Variants in SPTBN4 observed in about 807,000 individuals in gnomAD.
SPTBN4 encodes spectrin beta, non-erythrocytic 4.
In SPTBN4, 96 loss-of-function variants were observed where a neutral mutation model predicts 277.8. That is an observed-to-expected ratio of 0.35 (90% CI 0.29 to 0.41). The LOEUF is 0.41. SPTBN4 is among the 10% of genes least tolerant of loss of function. SPTBN4 has a pLI of 1.00. For synonymous variants in SPTBN4, 1,481 were observed against 1,580.3 expected (o/e 0.94, Z 1.49); for missense variants, 3,006 against 3,595.7 (o/e 0.84, Z 4.19).
At chr19:40,509,573 C>T (rs2080368322) in intron 13 of SPTBN4, among the ~76,000 whole-genome samples, 1 of 152,130 alleles carries the variant, frequency 6.6e-6, no homozygotes, top group Admixed American at 6.6e-5. Flanking sequence ...CCTCAGAACA[C>T]GATGGCTAGC....
chr19:40,477,246 G>A (rs1476146517), intron 2 of SPTBN4, among the ~76,000 whole-genome samples: 2 of 151,554 alleles, frequency 1.3e-5, no homozygotes, highest in African/African-American at 4.8e-5. Flanking sequence ...ACAGGGTCTC[G>A]CAATATTTTC....
intron 1 of SPTBN4, among the ~76,000 whole-genome samples, chr19:40,471,675 C>T (rs1027400605): frequency 6.6e-6 from 1 of 152,104 alleles, no homozygotes; most frequent in African/African-American, 2.4e-5. Flanking sequence ...TGGGCTCAAG[C>T]CATCTTCCTG....
chr19:40,489,966 T>C, intron 3 of SPTBN4, 109 bp from the exon 4 acceptor site: 1 of 1,180,038 alleles, frequency 8.5e-7, no homozygotes, highest in Non-Finnish European at 1.2e-6. Context: ...TCCTGGACAC[T>C]CAGGGGGCGT....
In SPTBN4 at chr19:40,519,661, AGGC is replaced by A; in HGVS notation, c.3169_3171del (p.Ala1057del). 1 of 1,394,450 alleles carries A rather than the reference AGGC, an allele frequency of 7.2e-7. No homozygotes were observed. The allele number at this position is 1,394,450 out of a possible 1,614,324, so 86.4% of individuals were successfully genotyped here. A position where few individuals can be genotyped will look rare whatever the true frequency, so the allele number is the denominator to read the frequency against. ...CTGCTGGCTGAGCGCTTCCCGGCGC[AGGC>A]GGCGCGGCTGCACCAGGGCGCGGAG... On this transcript the variant is annotated inframe_deletion, in exon 16 of 36. Coordinates refer to ENST00000598249, the MANE Select transcript of SPTBN4 (RefSeq NM_020971.3). The surrounding 1 kb of genome is among the most constrained non-coding windows in gnomAD (Gnocchi z 5.7).
intron 22 of SPTBN4, among the ~76,000 whole-genome samples, chr19:40,553,847 C>T (rs1431928463): frequency 6.6e-6 from 1 of 152,172 alleles, no homozygotes; most frequent in Non-Finnish European, 1.5e-5. Flanking sequence ...CGGCTTGGCT[C>T]AGAGCACAGT....
In SPTBN4 at chr19:40,513,881, G is replaced by A. The variant is rs759193037; in HGVS notation, c.2765+327G>A. Among the ~76,000 whole-genome samples, 17 of 152,242 alleles carry A rather than the reference G, an allele frequency of 1.1e-4. No individual in the cohort carries two copies. The East Asian group carries it at 2.5e-3, about 22-fold the overall frequency. On this transcript the variant is annotated intron_variant, in intron 14 of 35. Transcript: ENST00000598249. The stretch of plus-strand genomic sequence containing the variant: ...GCTCTTGTTACCCAGGCTTACATTC[G>A]CCAAGCATGAAATCAACGACCTATG...
At chr19:40,573,919 G>A (rs1446725793) in intron 35 of SPTBN4, among the ~76,000 whole-genome samples, 2 of 151,934 alleles carry the variant, frequency 1.3e-5, no homozygotes, top group Non-Finnish European at 2.9e-5. Context: ...GGCTGACACG[G>A]TGAAACCCCG....
Position 40,519,921 on chromosome 19 carries a change from C to A in SPTBN4, c.3424C>A (p.Arg1142Ser). The change falls in exon 16 of 36, where the codon CGC (arginine) becomes AGC (serine). Residue 1142 changes from arginine to serine, a missense_variant. Coordinates refer to ENST00000598249, the MANE Select transcript of SPTBN4 (RefSeq NM_020971.3). This position sits in a 1 kb window ranked among gnomAD's most constrained non-coding sequence, Gnocchi z 5.7. ...TGCGCTCAAGGAGGAGGTGGACCAGCGCGAGGAAGACTATGCTCGCATCGT... is the reference window on the plus strand; with the variant it reads ...TGCGCTCAAGGAGGAGGTGGACCAGAGCGAGGAAGACTATGCTCGCATCGT... ...HAALKEEVDQ[R>S]EEDYARIVAA... 1 of 1,560,764 alleles carries A rather than the reference C, an allele frequency of 6.4e-7. No individual in the cohort carries two copies. Among genetic ancestry groups the A allele is most frequent in the Non-Finnish European group, 8.6e-7 (1 of 1,160,212 alleles).
intron 26 of SPTBN4, 87 bp downstream of exon 26, chr19:40,557,490 G>A (rs2080995109): frequency 1.4e-6 from 2 of 1,458,236 alleles, no homozygotes; most frequent in Non-Finnish European, 1.8e-6. Flanking sequence ...TGTGGAGCAG[G>A]TCGAAATTAG....
intron 6 of SPTBN4, among the ~76,000 whole-genome samples, chr19:40,496,692 CTGA>C (rs2080201034): frequency 6.6e-6 from 1 of 152,170 alleles, no homozygotes; most frequent in Non-Finnish European, 1.5e-5. Context: ...GGCTCAAGCT[CTGA>C]TGAACTGGCT....
chr19:40,550,747 G>A (rs2080909646), intron 22 of SPTBN4, among the ~76,000 whole-genome samples: 1 of 152,042 alleles, frequency 6.6e-6, no homozygotes, highest in African/African-American at 2.4e-5. Flanking sequence ...TCGAACTCCT[G>A]GCCTCAAGTG....
chr19:40,575,589 G>T lies in SPTBN4; in HGVS notation c.*20G>T. On this transcript the variant is annotated 3_prime_UTR_variant, in exon 36 of 36. Coordinates refer to ENST00000598249, the MANE Select transcript of SPTBN4 (RefSeq NM_020971.3). ...AAGTGACTTCCCACCCCCAGGACCT[G>T]ACACATCTCGTCTCCCCTCTTTTCC... 1.3e-6 allele frequency: 2 copies of T among 1,599,258 alleles called. No individual in the cohort carries two copies. Among genetic ancestry groups the T allele is most frequent in the South Asian group, 2.2e-5 (2 of 89,790 alleles).
intron 16 of SPTBN4, among the ~76,000 whole-genome samples, chr19:40,522,082 A>G (rs773458761): frequency 2.6e-5 from 4 of 152,222 alleles, no homozygotes; most frequent in Non-Finnish European, 5.9e-5. Context: ...GCCAGAGTAC[A>G]GTGGCACGAT....
intron 6 of SPTBN4, among the ~76,000 whole-genome samples, chr19:40,497,086 A>AAAAAAAAAAAAAT (rs2080206916): frequency 6.7e-6 from 1 of 149,852 alleles, no homozygotes. Context: ...AAAAAAAAAA[A>AAAAAAAAAAAAAT]AAAAAAAAAG....
Position 40,497,397 on chromosome 19 carries a change from T to G in SPTBN4, c.669-92T>G. The stretch of plus-strand genomic sequence containing the variant: ...GACTGTGCCCTTCTGCCCATTGCCC[T>G]GGGCAGTGCTCAGACAAGGGTGGCT... On this transcript the variant is annotated intron_variant, in intron 6 of 35. Coordinates refer to ENST00000598249, the MANE Select transcript of SPTBN4 (RefSeq NM_020971.3). The G allele has an allele frequency of 4.4e-6, 4 of 905,002 alleles. No homozygotes were observed. In the South Asian group the frequency reaches 5.5e-5, roughly 12 times the overall value. The allele number at this position is 905,002 out of a possible 1,614,324, so 56.1% of individuals were successfully genotyped here.
intron 17 of SPTBN4, among the ~76,000 whole-genome samples, chr19:40,528,673 G>A (rs917751288): frequency 5.3e-5 from 8 of 151,240 alleles, no homozygotes; most frequent in African/African-American, 1.7e-4. Flanking sequence ...TCTCTCTCTC[G>A]CTCTCTTTCT....
intron 32 of SPTBN4, among the ~76,000 whole-genome samples, chr19:40,569,993 C>CACACACACAG (rs2081137510): frequency 2.7e-5 from 4 of 150,434 alleles, no homozygotes; most frequent in African/African-American, 9.9e-5. Flanking sequence ...CACACAGACA[C>CACACACACAG]ACACACACAG....
chr19:40,544,286 G>T (rs2080833617), intron 20 of SPTBN4, among the ~76,000 whole-genome samples: 1 of 151,636 alleles, frequency 6.6e-6, no homozygotes, highest in African/African-American at 2.4e-5. Flanking sequence ...GGGATAACAG[G>T]CGCCTGCCAC....
At chr19:40,486,461 C>T (rs2080073506) in intron 2 of SPTBN4, among the ~76,000 whole-genome samples, 1 of 151,842 alleles carries the variant, frequency 6.6e-6, no homozygotes, top group African/African-American at 2.4e-5. Flanking sequence ...CCTCAACCTC[C>T]CAAGGCCAAG....
Sources: allele counts gnomAD v4.1 joint callset (sites outside exome capture counted in the v4.1 genomes callset), GRCh38; gene constraint gnomAD v4.1.1; non-coding constraint Gnocchi (gnomAD v3.1); transcripts MANE v1.5; gene names NCBI Gene and HGNC (gene_info 2026-07-23, HGNC 2026-07-21).